Variants in HHLA1 observed in about 807,000 individuals in gnomAD.
The protein encoded by HHLA1 is HERV-H LTR-associating protein 1.
In HHLA1, 72 loss-of-function variants were observed where a neutral mutation model predicts 69.9. That is an observed-to-expected ratio of 1.03 (90% CI 0.85 to 1.25). HHLA1 has a LOEUF of 1.25. HHLA1 is among the 50% of genes most tolerant of loss of function. HHLA1 has a pLI of 0.00. For synonymous variants in HHLA1, 252 were observed against 233.2 expected (o/e 1.08, Z -0.73); for missense variants, 685 against 642.2 (o/e 1.07, Z -0.72).
chr8:132,083,861 A>G (rs1414632129), intron 10 of HHLA1, among the ~76,000 whole-genome samples: 1 of 152,216 alleles, frequency 6.6e-6, no homozygotes, highest in Non-Finnish European at 1.5e-5. Flanking sequence ...GGCAAGGTTA[A>G]TTAAATCCTG....
rs747450854 is a variant in HHLA1 at position 132,095,817 on chromosome 8, C to G, written c.281-31G>C. The G allele has an allele frequency of 1.9e-5, 26 of 1,369,596 alleles. No homozygotes were observed. The South Asian group carries it at 3.4e-4, about 18-fold the overall frequency. The allele number at this position is 1,369,596 out of a possible 1,614,324, so 84.8% of individuals were successfully genotyped here. A position where few individuals can be genotyped will look rare whatever the true frequency, so the allele number is the denominator to read the frequency against. ...AAAACATACCAGATAAAGAGACAGA[C>G]AGATGCCTACTAACGTAACAATAAT... On this transcript the variant is annotated intron_variant, in intron 5 of 16. Coordinates refer to ENST00000414222, the MANE Select transcript of HHLA1 (RefSeq NM_001145095.3).
At chr8:132,100,011 A>C in intron 4 of HHLA1, 64 bp downstream of exon 4, 9 of 1,199,522 alleles carry the variant, frequency 7.5e-6, no homozygotes, top group Non-Finnish European at 9.7e-6. Flanking sequence ...ACAGAGGTCT[A>C]GAGAAGTGGA....
intron 10 of HHLA1, among the ~76,000 whole-genome samples, 191 bp downstream of exon 10, chr8:132,087,462 G>A (rs1429734613): frequency 3.3e-5 from 5 of 152,146 alleles, no homozygotes; most frequent in African/African-American, 1.2e-4. Flanking sequence ...TGTGTTGGGG[G>A]GAAGATCTAG....
chr8:132,092,138 TA>T (rs1468552253), intron 7 of HHLA1, among the ~76,000 whole-genome samples: 5 of 152,206 alleles, frequency 3.3e-5, no homozygotes, highest in Non-Finnish European at 7.3e-5. Flanking sequence ...GAGTAGATTA[TA>T]AAATTGCATA....
At chr8:132,070,887 ACAACT>A (rs1355928066) in intron 15 of HHLA1, among the ~76,000 whole-genome samples, 10 of 151,816 alleles carry the variant, frequency 6.6e-5, no homozygotes, top group Admixed American at 3.3e-4. Context: ...TCAACTCATT[ACAACT>A]CAACTCAACT....
chr8:132,066,014 G>T (rs3739280), intron 15 of HHLA1, 46 bp from the exon 16 acceptor site: 17,309 of 829,700 alleles, frequency 0.021, 684 homozygotes, highest in East Asian at 0.12. Context: ...TCCTGTGATG[G>T]CTATTAGAAG....
rs1233414413 is a variant in HHLA1, at chr8:132,087,837, T to C, written c.589+8A>G. 2.6e-6 allele frequency: 4 copies of C among 1,550,848 alleles called. No homozygotes were observed. In the South Asian group the frequency reaches 4.8e-5, roughly 18 times the overall value. ...AGAGAGCTTGTCAAAGAATGTCTAG[T>C]GGTTTACCTGACTTTCCTGTCATCA... is the stretch of plus-strand genomic sequence containing the variant. On this transcript the variant is annotated splice_region_variant and intron_variant, in intron 9 of 16. Transcript: ENST00000414222.
chr8:132,088,477 G>A (rs1436574704), intron 8 of HHLA1, among the ~76,000 whole-genome samples: 1 of 152,160 alleles, frequency 6.6e-6, no homozygotes, highest in Non-Finnish European at 1.5e-5. Context: ...GATCTTCAAA[G>A]CCTGAAAACT....
chr8:132,082,438 A>G (rs7014088), intron 10 of HHLA1, among the ~76,000 whole-genome samples: 40,562 of 152,018 alleles, frequency 0.27, 5,973 homozygotes, highest in Admixed American at 0.36. Context: ...TGCCTAGGAA[A>G]GAAAGGAGTT....
intron 10 of HHLA1, chr8:132,080,486 G>A (rs902550788): frequency 1.6e-5 from 4 of 256,666 alleles, no homozygotes; most frequent in Non-Finnish European, 3.0e-5. Context: ...GATGAGCCAG[G>A]AAGAGGACTT....
chr8:132,098,935 G>A lies in HHLA1; in HGVS notation c.227C>T (p.Ser76Phe), dbSNP rs779136813. 5 of 1,550,876 alleles carry A rather than the reference G, an allele frequency of 3.2e-6. No homozygotes were observed. The African/African-American group carries it at 5.5e-5, about 17-fold the overall frequency. The change falls in exon 5 of 17, where the codon TCC (serine) becomes TTC (phenylalanine). Residue 76 changes from serine (S) to phenylalanine (F), a missense_variant. Coordinates refer to ENST00000414222, the MANE Select transcript of HHLA1 (RefSeq NM_001145095.3). ...TELPARSIDL[S>F]ALNLTELVNG... ...CACAAGCTCTGTCAGGTTAAGCGCG[G>A]ACAGATCGATTGACCTTGCGGGCAG... is the stretch of plus-strand genomic sequence containing the variant.
intron 14 of HHLA1, among the ~76,000 whole-genome samples, chr8:132,072,939 C>T (rs1823573584): frequency 6.6e-6 from 1 of 151,570 alleles, no homozygotes; most frequent in Non-Finnish European, 1.5e-5. Context: ...TGTGGAATAT[C>T]AATTCATTTG....
rs963706676 is a variant in HHLA1 at position 132,095,716 on chromosome 8, T to A, written c.351A>T (p.Val117=). Residue 117 remains valine (V), a synonymous_variant, in exon 6 of 17, where the codon GTA becomes GTT. Transcript: ENST00000414222. ...GCCAGCACTCACTGTTGTAAACAGC[T>A]ACAGAAAACTTGTGGAAGGCGAAGG... is the stretch of plus-strand genomic sequence containing the variant. The part of the protein sequence containing the change: ...YSSFAFHKFS[V]AVYNISNLKT... The A allele has an allele frequency of 1.3e-6, 2 of 1,551,080 alleles. No individual in the cohort carries two copies. Among genetic ancestry groups the A allele is most frequent in the Non-Finnish European group, 1.7e-6 (2 of 1,146,744 alleles).
At chr8:132,080,469 G>C (rs1823732147) in intron 10 of HHLA1, 9 of 258,544 alleles carry the variant, frequency 3.5e-5, no homozygotes, top group South Asian at 3.4e-4. Context: ...GGTGCTTTTT[G>C]AGCCAGGATG....
chr8:132,063,948 C>A lies in HHLA1; in HGVS notation c.*47G>T. 1 of 1,120,358 alleles carries A rather than the reference C, an allele frequency of 8.9e-7. No individual in the cohort carries two copies. The highest frequency in any genetic ancestry group is 1.2e-6 in the Non-Finnish European group (1 of 833,314). 69.4% of individuals were successfully genotyped at this position (1,120,358 alleles called of 1,614,324 possible). A position where few individuals can be genotyped will look rare whatever the true frequency, so the allele number is the denominator to read the frequency against. On this transcript the variant is annotated 3_prime_UTR_variant, in exon 17 of 17. Coordinates refer to ENST00000414222, the MANE Select transcript of HHLA1 (RefSeq NM_001145095.3). ...TTGGGACAAGAGCCAGGGTGGATGG[C>A]GTATCCCCTGAAGTAATTGTTATGC...
Position 132,104,014 on chromosome 8 carries a change from C to T in HHLA1, c.139+94G>A, listed in dbSNP as rs1009602441. 34 of 802,620 alleles carry T rather than the reference C, an allele frequency of 4.2e-5. 1 individual carries two copies. The highest frequency in any genetic ancestry group is 3.7e-4 in the South Asian group (25 of 67,160). 49.7% of individuals were successfully genotyped at this position (802,620 alleles called of 1,614,324 possible). A position where few individuals can be genotyped will look rare whatever the true frequency, so the allele number is the denominator to read the frequency against. ...TTAGAGTGTTAGATGCGGATATAAT[C>T]GCTGTCTTATCAGTAGAGAAAGTCA... is the stretch of plus-strand genomic sequence containing the variant. On this transcript the variant is annotated intron_variant, in intron 3 of 16. Coordinates refer to ENST00000414222, the MANE Select transcript of HHLA1 (RefSeq NM_001145095.3).
rs903127245 is a variant in HHLA1, at chr8:132,076,111, C to A, written c.1259G>T (p.Trp420Leu). 1.3e-6 allele frequency: 2 copies of A among 1,551,274 alleles called. No homozygotes were observed. The highest frequency in any genetic ancestry group is 8.7e-7 in the Non-Finnish European group (1 of 1,146,888). Residue 420 changes from tryptophan to leucine, a missense_variant, in exon 14 of 17, where the codon TGG becomes TTG. Coordinates refer to ENST00000414222, the MANE Select transcript of HHLA1 (RefSeq NM_001145095.3). ...TGGCTCTTCACCAGCAGTGAATGGC[C>A]ACTCTGCAGAGAGATCACCTGCAAA... The part of the protein sequence containing the change: ...YPQTGDLSAE[W>L]PFTAGEEPVL...
At chr8:132,102,945 C>A (rs553796430) in intron 3 of HHLA1, among the ~76,000 whole-genome samples, 6 of 152,044 alleles carry the variant, frequency 3.9e-5, no homozygotes, top group Non-Finnish European at 7.4e-5. Flanking sequence ...TAATACAGAG[C>A]ATTTTTCAAA....
At chr8:132,105,033 G>A (rs956296709) in intron 2 of HHLA1, among the ~76,000 whole-genome samples, 154 bp downstream of exon 2, 4 of 152,144 alleles carry the variant, frequency 2.6e-5, no homozygotes, top group African/African-American at 9.7e-5. Context: ...AAAAGTCAAG[G>A]GAACAACAGA....
Sources: gnomAD v4.1 joint callset for allele counts (sites outside exome capture counted in the v4.1 genomes callset) on GRCh38, gnomAD v4.1.1 for gene constraint, MANE v1.5 for transcripts, NCBI Gene and HGNC (gene_info 2026-07-23, HGNC 2026-07-21) for gene names.